Variants in TMEM185A observed in about 807,000 individuals in gnomAD.
The protein encoded by TMEM185A is family with sequence similarity 11, member A.
A neutral mutation model predicts 25.0 loss-of-function variants in TMEM185A; 9 were observed. The observed-to-expected ratio is 0.36, with a 90% CI of 0.22 to 0.63. The LOEUF is 0.63. TMEM185A is among the 20% of genes least tolerant of loss of function. The pLI is 0.68. For missense variants in TMEM185A, 103 were observed against 237.4 expected, an observed-to-expected ratio of 0.43 and a Z score of 3.72; for synonymous variants, 45 against 93.5, an observed-to-expected ratio of 0.48 and a Z score of 2.99.
chrX:149,617,763 G>A (rs1006887284), intron 1 of TMEM185A, among the ~76,000 whole-genome samples: 2 of 112,090 alleles, frequency 1.8e-5, no homozygotes, highest in African/African-American at 6.5e-5. Context: ...ATTGCCACTG[G>A]TAACAACTCA....
chrX:149,630,690 T>C (rs1557356525), intron 1 of TMEM185A, among the ~76,000 whole-genome samples: 4 of 111,730 alleles, frequency 3.6e-5, no homozygotes, highest in Admixed American at 9.5e-5. Flanking sequence ...ACATTTTATA[T>C]GTGCCTACTA....
At chrX:149,613,825 G>C (rs969984513) in intron 1 of TMEM185A, among the ~76,000 whole-genome samples, 2 of 112,394 alleles carry the variant, frequency 1.8e-5, no homozygotes, top group Non-Finnish European at 3.8e-5. Context: ...ATAAGACACA[G>C]TATATTTTTG....
At chrX:149,613,230 T>G (rs182985910) in intron 1 of TMEM185A, among the ~76,000 whole-genome samples, 5 of 112,504 alleles carry the variant, frequency 4.4e-5, no homozygotes, top group Admixed American at 9.4e-5. Flanking sequence ...AGGAAGATTA[T>G]ACTGGATTAT....
chrX:149,629,807 T>A (rs782446930), intron 1 of TMEM185A, among the ~76,000 whole-genome samples: 1 of 112,310 alleles, frequency 8.9e-6, no homozygotes, highest in African/African-American at 3.2e-5. Flanking sequence ...TTAGCCTGTT[T>A]GATCACTTAA....
Position 149,611,426 on chromosome X carries a change from C to G in TMEM185A, c.76G>C (p.Val26Leu). 1 of 1,206,044 alleles carries G rather than the reference C, an allele frequency of 8.3e-7. No homozygotes were observed. Among genetic ancestry groups the G allele is most frequent in the Non-Finnish European group, 1.1e-6 (1 of 893,761 alleles). Residue 26 changes from valine (V) to leucine (L), a missense_variant, in exon 2 of 7, where the codon GTG (valine) becomes CTG (leucine). Val to Leu is a conservative substitution (Grantham distance 32). Coordinates refer to ENST00000600449, the MANE Select transcript of TMEM185A (RefSeq NM_032508.4). ...CCATCCAAACGAAGGGCCAGCAGCACAGAGAACAGCAGCAGACAGGCATAG... is the reference window on the plus strand; with the variant it reads ...CCATCCAAACGAAGGGCCAGCAGCAGAGAGAACAGCAGCAGACAGGCATAG... ...LIYACLLLFS[V>L]LLALRLDGII... is the part of the protein sequence containing the mutation.
At chrX:149,629,339 G>C (rs1557356369) in intron 1 of TMEM185A, among the ~76,000 whole-genome samples, 5 of 111,503 alleles carry the variant, frequency 4.5e-5, no homozygotes, top group African/African-American at 1.6e-4. Flanking sequence ...TGAGTCCCCA[G>C]CATAAGGTAA....
Position 149,604,665 on chromosome X carries a change from C to A in TMEM185A, c.424-595G>T, listed in dbSNP as rs781951198. Among the ~76,000 whole-genome samples the A allele has an allele frequency of 5.4e-3, 605 of 111,453 alleles. 3 individuals are homozygous for A. The highest frequency in any genetic ancestry group is 0.019 in the African/African-American group (574 of 30,570). ...TTTGATCCAAGACCCCTCTTAGCCT[C>A]AGGTTTCTCTCTGCGAGACAGTAAT... is the stretch of plus-strand genomic sequence containing the variant. On this transcript the variant is annotated intron_variant, in intron 3 of 6. Coordinates refer to ENST00000600449, the MANE Select transcript of TMEM185A (RefSeq NM_032508.4).
chrX:149,616,611 C>T (rs368451247), intron 1 of TMEM185A, among the ~76,000 whole-genome samples: 1 of 112,024 alleles, frequency 8.9e-6, no homozygotes, highest in East Asian at 2.8e-4. Context: ...TATTGCCCCA[C>T]TTGGATAACC....
At chrX:149,614,225 T>C (rs1557354813) in intron 1 of TMEM185A, among the ~76,000 whole-genome samples, 1 of 111,547 alleles carries the variant, frequency 9.0e-6, no homozygotes, top group East Asian at 2.8e-4. Flanking sequence ...TCATACAAAG[T>C]AAACAAGCAC....
chrX:149,611,672 C>T (rs781793095), intron 1 of TMEM185A, among the ~76,000 whole-genome samples: 1 of 112,101 alleles, frequency 8.9e-6, no homozygotes, highest in Non-Finnish European at 1.9e-5. Context: ...CTTTCCAAGG[C>T]TTCCTCATAG....
intron 4 of TMEM185A, among the ~76,000 whole-genome samples, chrX:149,602,620 T>G (rs977554213): frequency 4.4e-5 from 5 of 112,730 alleles, no homozygotes; most frequent in African/African-American, 1.6e-4. Context: ...AACTGGGATC[T>G]ACAGAGGATG....
At chrX:149,619,508 T>A (rs1474720899) in intron 1 of TMEM185A, among the ~76,000 whole-genome samples, 1 of 110,931 alleles carries the variant, frequency 9.0e-6, no homozygotes, top group Non-Finnish European at 1.9e-5. Flanking sequence ...TTCTTTTTTT[T>A]ATTATTATTA....
intron 1 of TMEM185A, among the ~76,000 whole-genome samples, chrX:149,622,711 T>C (rs1379141670): frequency 1.8e-5 from 2 of 110,508 alleles, no homozygotes; most frequent in African/African-American, 6.7e-5. Flanking sequence ...CTCAGACTAA[T>C]AGGAACAGAG....
At chrX:149,626,780 G>T (rs2090165189) in intron 1 of TMEM185A, among the ~76,000 whole-genome samples, 1 of 112,041 alleles carries the variant, frequency 8.9e-6, no homozygotes, top group African/African-American at 3.3e-5. Flanking sequence ...GTGAGCAAAG[G>T]AATCTGTATC....
chrX:149,610,696 C>T (rs1423567893), intron 2 of TMEM185A, among the ~76,000 whole-genome samples: 1 of 111,594 alleles, frequency 9.0e-6, no homozygotes, highest in African/African-American at 3.3e-5. Flanking sequence ...CCAGCGGAGG[C>T]ATCCAAGAGC....
intron 1 of TMEM185A, among the ~76,000 whole-genome samples, chrX:149,630,484 C>T (rs1304030274): frequency 1.8e-5 from 2 of 111,809 alleles, no homozygotes; most frequent in Non-Finnish European, 3.8e-5. Context: ...GGTTACAGCA[C>T]ACAAATATTT....
chrX:149,606,071 AT>A (rs2124205683), intron 3 of TMEM185A, among the ~76,000 whole-genome samples: 1 of 112,464 alleles, frequency 8.9e-6, no homozygotes, highest in East Asian at 2.8e-4. Flanking sequence ...AAAATAATTC[AT>A]ATAAATCTAA....
At chrX:149,614,584 G>A (rs1557354851) in intron 1 of TMEM185A, among the ~76,000 whole-genome samples, 7 of 111,497 alleles carry the variant, frequency 6.3e-5, no homozygotes, top group Non-Finnish European at 1.9e-5. Flanking sequence ...AATGATAAAT[G>A]TAAGCACATT....
intron 1 of TMEM185A, among the ~76,000 whole-genome samples, chrX:149,624,416 T>C (rs2090153666): frequency 8.9e-6 from 1 of 112,527 alleles, no homozygotes; most frequent in Non-Finnish European, 1.9e-5. Context: ...ACTCTGAATG[T>C]AAAAGTTCTA....
Sources: allele counts gnomAD v4.1 joint callset (sites outside exome capture counted in the v4.1 genomes callset), GRCh38; gene constraint gnomAD v4.1.1; transcripts MANE v1.5; gene names NCBI Gene and HGNC (gene_info 2026-07-23, HGNC 2026-07-21).